The following SLC2A13 variants were observed in gnomAD, a reference collection of about 807,000 sequenced individuals.
SLC2A13 encodes the protein solute carrier family 2 member 13.
SLC2A13 carries 32 observed loss-of-function variants against 64.4 expected under a neutral mutation model. That is an observed-to-expected ratio of 0.50 (90% CI 0.37 to 0.67). The LOEUF (loss-of-function observed/expected upper bound fraction) is 0.67. Ranked by LOEUF, SLC2A13 falls within the 30% of genes least tolerant of loss-of-function variation. SLC2A13 has a pLI of 0.00. For synonymous variants in SLC2A13, 338 were observed against 327.1 expected (o/e 1.03, Z -0.36); for missense variants, 743 against 829.2 (o/e 0.90, Z 1.28).
At chr12:40,043,140 G>C (rs752850468) in intron 2 of SLC2A13, among the ~76,000 whole-genome samples, 8 of 151,996 alleles carry the variant, frequency 5.3e-5, no homozygotes, top group African/African-American at 9.7e-5. Flanking sequence ...GTAGGAAATA[G>C]ACAGTCTTGA....
rs548416933 is a variant in SLC2A13, at chr12:40,020,622, C to A, written c.925+7679G>T. Among the ~76,000 whole-genome samples the A allele has an allele frequency of 2.0e-5, 3 of 152,106 alleles. No homozygotes were observed. The South Asian group carries it at 6.2e-4, about 32-fold the overall frequency. ...TTCTACAGACTATCCATGGAATTGTCTTGTTAAACTAAAATGTCCCAACAC... is the reference window on the plus strand; with the variant it reads ...TTCTACAGACTATCCATGGAATTGTATTGTTAAACTAAAATGTCCCAACAC... On this transcript the variant is annotated intron_variant, in intron 3 of 9. Coordinates refer to ENST00000280871, the MANE Select transcript of SLC2A13 (RefSeq NM_052885.4).
intron 3 of SLC2A13, among the ~76,000 whole-genome samples, chr12:40,020,497 T>C (rs1307582220): frequency 6.6e-6 from 1 of 152,194 alleles, no homozygotes; most frequent in Non-Finnish European, 1.5e-5. Flanking sequence ...CCATGCAGAA[T>C]TGTGAGTCAA....
intron 3 of SLC2A13, among the ~76,000 whole-genome samples, chr12:39,994,118 G>A (rs1205187413): frequency 1.3e-5 from 2 of 152,036 alleles, no homozygotes; most frequent in South Asian, 2.1e-4. Flanking sequence ...TGCCGGGCGC[G>A]GTGGCTCACG....
chr12:39,758,078 T>G lies in SLC2A13; in HGVS notation c.*1948A>C, dbSNP rs1940015360. ...ATCAATAGAATAATAATTTTCCCTA[T>G]TAAATCATATCTGCTTTTCTGAGGA... is the stretch of plus-strand genomic sequence containing the variant. On this transcript the variant is annotated 3_prime_UTR_variant, in exon 10 of 10. Transcript: ENST00000280871. The G allele has an allele frequency of 6.6e-6, 1 of 151,636 alleles. No individual in the cohort carries two copies. The highest frequency in any genetic ancestry group is 2.1e-4 in the South Asian group (1 of 4,830). The allele number at this position is 151,636 out of a possible 1,614,324, so 9.4% of individuals were successfully genotyped here.
chr12:40,080,840 G>C (rs77205332), intron 1 of SLC2A13, among the ~76,000 whole-genome samples: 4,305 of 152,286 alleles, frequency 0.028, 177 homozygotes, highest in Admixed American at 0.11. Context: ...GCAGATAATA[G>C]TATTTCATTT....
chr12:39,837,823 T>C (rs909025970), intron 6 of SLC2A13, among the ~76,000 whole-genome samples: 1 of 151,976 alleles, frequency 6.6e-6, no homozygotes, highest in African/African-American at 2.4e-5. Context: ...ATGGCAATCA[T>C]TAAAAAGTCA....
chr12:39,855,735 C>T (rs1014327002), intron 6 of SLC2A13, among the ~76,000 whole-genome samples: 6 of 152,216 alleles, frequency 3.9e-5, no homozygotes, highest in African/African-American at 1.4e-4. Context: ...TACACAATTG[C>T]AGACTTTCAG....
intron 1 of SLC2A13, among the ~76,000 whole-genome samples, chr12:40,049,603 C>T (rs1592039557): frequency 6.6e-6 from 1 of 152,066 alleles, no homozygotes; most frequent in South Asian, 2.1e-4. Flanking sequence ...GAAAGGCCCA[C>T]CTCCATCCAA....
At chr12:39,914,451 G>C (rs1945486988) in intron 4 of SLC2A13, among the ~76,000 whole-genome samples, 1 of 151,988 alleles carries the variant, frequency 6.6e-6, no homozygotes, top group African/African-American at 2.4e-5. Context: ...GGTGAGCTCT[G>C]CAAGTGCCAT....
chr12:39,980,967 A>G (rs1946882004), intron 3 of SLC2A13, among the ~76,000 whole-genome samples: 1 of 151,988 alleles, frequency 6.6e-6, no homozygotes, highest in Admixed American at 6.5e-5. Context: ...AAATTATAAC[A>G]AACTATCTCT....
In SLC2A13 at chr12:40,068,465, T is replaced by A. The variant is rs1937822989; in HGVS notation, c.557-20255A>T. On this transcript the variant is annotated intron_variant, in intron 1 of 9. Coordinates refer to ENST00000280871, the MANE Select transcript of SLC2A13 (RefSeq NM_052885.4). ...TGTTAGTGAGGATGACCAATTTTGC[T>A]TTTTCTTATCTAATCATCTTCAGAA... is the stretch of plus-strand genomic sequence containing the variant. 2.0e-5 allele frequency: 5 copies of A among 252,872 alleles called. No individual in the cohort carries two copies. The South Asian group carries it at 2.3e-4, about 11-fold the overall frequency. The allele number at this position is 252,872 out of a possible 1,614,324, so 15.7% of individuals were successfully genotyped here.
intron 1 of SLC2A13, among the ~76,000 whole-genome samples, chr12:40,080,409 G>A (rs910137526): frequency 6.6e-6 from 1 of 151,992 alleles, no homozygotes; most frequent in African/African-American, 2.4e-5. Context: ...TTTTGTTTTT[G>A]AGAGGGGGCC....
intron 3 of SLC2A13, among the ~76,000 whole-genome samples, chr12:39,996,193 T>C (rs1947226586): frequency 6.6e-6 from 1 of 152,210 alleles, no homozygotes; most frequent in Admixed American, 6.5e-5. Context: ...TGTTATGTTT[T>C]AGCAAAGAGA....
intron 3 of SLC2A13, among the ~76,000 whole-genome samples, chr12:40,026,358 T>A (rs924365266): frequency 6.6e-6 from 1 of 152,194 alleles, no homozygotes; most frequent in African/African-American, 2.4e-5. Flanking sequence ...GAATAGGGAA[T>A]TATTTTATCT....
chr12:39,810,937 T>C (rs1942138621), intron 7 of SLC2A13, among the ~76,000 whole-genome samples: 1 of 152,144 alleles, frequency 6.6e-6, no homozygotes, highest in African/African-American at 2.4e-5. Flanking sequence ...AAAACCAACC[T>C]TATAAAATGA....
At chr12:39,898,594 T>A (rs1371604787) in intron 4 of SLC2A13, among the ~76,000 whole-genome samples, 2 of 152,138 alleles carry the variant, frequency 1.3e-5, no homozygotes, top group Non-Finnish European at 2.9e-5. Context: ...TATTGTAACA[T>A]CTGTGTCTTC....
intron 7 of SLC2A13, among the ~76,000 whole-genome samples, chr12:39,767,091 C>G (rs1940381472): frequency 6.6e-6 from 1 of 152,064 alleles, no homozygotes. Flanking sequence ...CCAGATCCAT[C>G]TGAGAAATCA....
chr12:40,028,667 G>C (rs1048535229), intron 2 of SLC2A13, among the ~76,000 whole-genome samples, 158 bp from the exon 3 acceptor site: 1 of 152,124 alleles, frequency 6.6e-6, no homozygotes, highest in Admixed American at 6.5e-5. Context: ...AGGAAAAAAG[G>C]ATATTTTTGT....
intron 4 of SLC2A13, among the ~76,000 whole-genome samples, chr12:39,928,198 A>G (rs1945760706): frequency 6.6e-6 from 1 of 152,208 alleles, no homozygotes; most frequent in South Asian, 2.1e-4. Context: ...TACTCTTGAA[A>G]AAAACAAAAC....
Sources: gnomAD v4.1 joint callset for allele counts (sites outside exome capture counted in the v4.1 genomes callset) on GRCh38, gnomAD v4.1.1 for gene constraint, MANE v1.5 for transcripts, NCBI Gene and HGNC (gene_info 2026-07-23, HGNC 2026-07-21) for gene names.